The following DLG2 variants were observed in gnomAD, a reference collection of about 807,000 sequenced individuals.
DLG2 encodes disks large homolog 2.
DLG2 carries 45 observed loss-of-function variants against 132.5 expected under a neutral mutation model. The ratio of observed to expected loss-of-function variants is 0.34; its 90% confidence interval spans 0.27 to 0.44. The LOEUF is 0.44. DLG2 is among the 20% of genes least tolerant of loss of function. DLG2 has a pLI of 1.00. For synonymous variants in DLG2, 424 were observed against 419.6 expected (o/e 1.01, Z -0.13); for missense variants, 1,045 against 1,196.9 (o/e 0.87, Z 1.87).
chr11:84,426,161 C>T (rs1224048527), intron 7 of DLG2, among the ~76,000 whole-genome samples: 1 of 152,078 alleles, frequency 6.6e-6, no homozygotes, highest in Non-Finnish European at 1.5e-5. Flanking sequence ...CTTGAAACTC[C>T]TCAATATTTG....
chr11:83,668,069 A>T (rs1319878826), intron 18 of DLG2, among the ~76,000 whole-genome samples: 13 of 45,468 alleles, frequency 2.9e-4, no homozygotes, highest in African/African-American at 2.4e-3. Context: ...GAAATGAAGT[A>T]AAAAAAAAAA....
At chr11:83,519,527 C>A (rs755964762) in intron 21 of DLG2, among the ~76,000 whole-genome samples, 3 of 151,936 alleles carry the variant, frequency 2.0e-5, no homozygotes, top group Admixed American at 6.6e-5. Context: ...GCATGGGTGC[C>A]CAGAAATATT....
intron 4 of DLG2, among the ~76,000 whole-genome samples, chr11:85,173,706 G>A (rs2079030608): frequency 6.6e-6 from 1 of 152,076 alleles, no homozygotes; most frequent in Admixed American, 6.6e-5. Flanking sequence ...AAGACCCATT[G>A]GCGTGCTGTC....
intron 3 of DLG2, among the ~76,000 whole-genome samples, chr11:85,290,167 A>G (rs1009524072): frequency 7.2e-5 from 11 of 152,174 alleles, no homozygotes; most frequent in African/African-American, 2.7e-4. Flanking sequence ...CTTCTCACTC[A>G]GGACTGCTAA....
At chr11:84,911,876 C>G (rs1328638223) in intron 6 of DLG2, among the ~76,000 whole-genome samples, 1 of 152,104 alleles carries the variant, frequency 6.6e-6, no homozygotes, top group Non-Finnish European at 1.5e-5. Context: ...TAGATGATTA[C>G]TATTGTATAT....
intron 3 of DLG2, among the ~76,000 whole-genome samples, chr11:85,528,366 GGT>G (rs1273627306): frequency 6.6e-6 from 1 of 152,150 alleles, no homozygotes; most frequent in Non-Finnish European, 1.5e-5. Flanking sequence ...TTTTGTATAA[GGT>G]GTAAGGAAGG....
chr11:83,593,389 C>G (rs1011141232), intron 19 of DLG2, among the ~76,000 whole-genome samples: 18 of 151,318 alleles, frequency 1.2e-4, no homozygotes, highest in South Asian at 8.3e-4. Flanking sequence ...TAAACTATCG[C>G]AAGAACAAAA....
At chr11:84,445,576 G>A (rs974302036) in intron 7 of DLG2, among the ~76,000 whole-genome samples, 5 of 151,916 alleles carry the variant, frequency 3.3e-5, no homozygotes, top group African/African-American at 1.2e-4. Context: ...TTTAAAAAAT[G>A]TACATGGAAC....
At chr11:83,756,562 T>C (rs2093655745) in intron 18 of DLG2, among the ~76,000 whole-genome samples, 1 of 151,432 alleles carries the variant, frequency 6.6e-6, no homozygotes, top group Non-Finnish European at 1.5e-5. Flanking sequence ...CCTGAACAGA[T>C]CACCTTACAT....
chr11:85,340,237 C>A (rs1032676622), intron 3 of DLG2, among the ~76,000 whole-genome samples: 4 of 152,138 alleles, frequency 2.6e-5, no homozygotes, highest in African/African-American at 7.2e-5. Context: ...TTGGAACCAA[C>A]CCAAATGCCC....
intron 21 of DLG2, among the ~76,000 whole-genome samples, chr11:83,519,667 G>A (rs2095413706): frequency 6.6e-6 from 1 of 152,224 alleles, no homozygotes; most frequent in East Asian, 1.9e-4. Flanking sequence ...CAATTGTATT[G>A]TTATCACATT....
rs528911061 is a variant in DLG2 at position 84,142,127 on chromosome 11, C to T, written c.624+21334G>A. 5.6e-4 allele frequency among the ~76,000 whole-genome samples: 85 copies of T among 151,822 alleles called. 1 individual carries two copies. The highest frequency in any genetic ancestry group is 1.0e-3 in the Non-Finnish European group (70 of 67,970). ...GACCATCCTGGCCAACACGGTGAAA[C>T]CACATCTCTACTAAAAATACAAAAA... On this transcript the variant is annotated intron_variant, in intron 9 of 27. Coordinates refer to ENST00000376104, the MANE Select transcript of DLG2 (RefSeq NM_001142699.3).
chr11:85,536,437 AGAACCCTATT>A (rs1206820514), intron 3 of DLG2, among the ~76,000 whole-genome samples: 6 of 152,142 alleles, frequency 3.9e-5, no homozygotes, highest in Non-Finnish European at 7.4e-5. Context: ...AACTAGAACT[AGAACCCTATT>A]GAGAGGTGAC....
intron 3 of DLG2, among the ~76,000 whole-genome samples, chr11:85,462,113 G>A (rs552219321): frequency 7.9e-5 from 12 of 152,262 alleles, no homozygotes; most frequent in South Asian, 6.2e-4. Context: ...ATCATCTCAC[G>A]CCAGTTAGAA....
At chr11:85,306,686 T>C (rs2079967783) in intron 3 of DLG2, among the ~76,000 whole-genome samples, 1 of 152,164 alleles carries the variant, frequency 6.6e-6, no homozygotes, top group South Asian at 2.1e-4. Context: ...TTCTCCTGCC[T>C]CAGCCTCCCC....
At chr11:83,583,262 T>G (rs1209571020) in intron 19 of DLG2, among the ~76,000 whole-genome samples, 1 of 152,244 alleles carries the variant, frequency 6.6e-6, no homozygotes, top group East Asian at 1.9e-4. Context: ...TCTGTAATCT[T>G]TAATCATGTC....
chr11:85,604,078 A>C (rs1428375366), intron 2 of DLG2, among the ~76,000 whole-genome samples: 1 of 152,250 alleles, frequency 6.6e-6, no homozygotes, highest in African/African-American at 2.4e-5. Context: ...TCCAATAACT[A>C]TAAAGGGAAA....
intron 7 of DLG2, among the ~76,000 whole-genome samples, chr11:84,524,119 T>G (rs183375580): frequency 1.1e-3 from 161 of 152,236 alleles, no homozygotes; most frequent in African/African-American, 3.9e-3. Context: ...AAAAAAAAAC[T>G]GCAAAAAATA....
intron 6 of DLG2, among the ~76,000 whole-genome samples, chr11:84,955,155 G>A (rs1020857220): frequency 3.9e-5 from 6 of 152,164 alleles, no homozygotes; most frequent in African/African-American, 1.4e-4. Flanking sequence ...TACTCCTTGA[G>A]GGAAGAATAT....
Sources: allele counts gnomAD v4.1 joint callset (sites outside exome capture counted in the v4.1 genomes callset), GRCh38; gene constraint gnomAD v4.1.1; transcripts MANE v1.5; gene names NCBI Gene and HGNC (gene_info 2026-07-23, HGNC 2026-07-21).